The following RAD54L variants were observed in gnomAD, a reference collection of about 807,000 sequenced individuals.
The protein encoded by RAD54L is RAD54 like.
A neutral mutation model predicts 91.6 loss-of-function variants in RAD54L; 74 were observed. That is an observed-to-expected ratio of 0.81 (90% CI 0.67 to 0.98). The LOEUF (loss-of-function observed/expected upper bound fraction) is 0.98. Ranked by LOEUF, RAD54L falls within the 50% of genes least tolerant of loss-of-function variation. The pLI, the probability that RAD54L is intolerant of heterozygous loss-of-function variation, is 0.00. For synonymous variants in RAD54L, 304 were observed against 349.7 expected (o/e 0.87, Z 1.46); for missense variants, 887 against 945.7 (o/e 0.94, Z 0.81).
chr1:46,272,085 C>G (rs1433625915), intron 10 of RAD54L, among the ~76,000 whole-genome samples: 2 of 109,700 alleles, frequency 1.8e-5, no homozygotes, highest in Non-Finnish European at 3.5e-5. Flanking sequence ...TCTTGTTGCC[C>G]AAGCTGGAAT....
At chr1:46,276,546 A>T (rs1202005318) in intron 16 of RAD54L, among the ~76,000 whole-genome samples, 1 of 152,134 alleles carries the variant, frequency 6.6e-6, no homozygotes, top group Non-Finnish European at 1.5e-5. Flanking sequence ...CTTTTCTCCT[A>T]ATAACCAGAT....
In RAD54L at chr1:46,253,601, G is replaced by A. The variant is rs192192541; in HGVS notation, c.210+3482G>A. Reference sequence around the variant, plus strand: ...CTGCGCTCCAGCCTGGTGACAGAGCGAGACTCTGTCTAAAAAAAAAAAAGA... The same window carrying A: ...CTGCGCTCCAGCCTGGTGACAGAGCAAGACTCTGTCTAAAAAAAAAAAAGA... On this transcript the variant is annotated intron_variant, in intron 3 of 17. Coordinates refer to ENST00000371975, the MANE Select transcript of RAD54L (RefSeq NM_003579.4). Among the ~76,000 whole-genome samples, 85 of 150,500 alleles carry A rather than the reference G, an allele frequency of 5.6e-4. 1 individual carries two copies. The East Asian group carries it at 0.014, about 25-fold the overall frequency.
chr1:46,249,452 A>G (rs1659740413), intron 2 of RAD54L, among the ~76,000 whole-genome samples: 1 of 152,076 alleles, frequency 6.6e-6, no homozygotes, highest in Non-Finnish European at 1.5e-5. Context: ...ACATTGGCTG[A>G]CCCTTGCCAT....
chr1:46,260,229 G>A (rs1456415250), intron 5 of RAD54L, 130 bp downstream of exon 5: 2 of 1,407,340 alleles, frequency 1.4e-6, no homozygotes, highest in Non-Finnish European at 2.0e-6. Flanking sequence ...AGATGATTGG[G>A]GAAGGAGACT....
chr1:46,278,118 C>G lies in RAD54L; in HGVS notation c.2080C>G (p.Pro694Ala), dbSNP rs140793609. 31 of 1,613,984 alleles carry G rather than the reference C, an allele frequency of 1.9e-5. No individual in the cohort carries two copies. The highest frequency in any genetic ancestry group is 2.6e-5 in the Non-Finnish European group (31 of 1,179,948). ...CAACAGCCGTCAGATCCGGCCACCC[C>G]CTGATGGTTCTGACTGCACTTCAGA... is the stretch of plus-strand genomic sequence containing the variant. ...CVNSRQIRPP[P>A]DGSDCTSDLA... Residue 694 changes from proline to alanine, a missense_variant, in exon 18 of 18, where the codon CCT (proline) becomes GCT (alanine). By Grantham distance (27) the Pro-to-Ala change is conservative. Coordinates refer to ENST00000371975, the MANE Select transcript of RAD54L (RefSeq NM_003579.4).
chr1:46,260,044 T>C lies in RAD54L; in HGVS notation c.352T>C (p.Leu118=), dbSNP rs754788738. Residue 118 remains leucine, a synonymous_variant, in exon 5 of 18, where the codon TTG becomes CTG. Transcript: ENST00000371975. ...ALHDPLEKDA[L]VLYEPPPLSA... is the part of the protein sequence containing the mutation. ...CCATGACCCCCTGGAAAAAGATGCC[T>C]TGGTTCTGTATGAGCCTCCCCCGCT... 21 of 1,613,982 alleles carry C rather than the reference T, an allele frequency of 1.3e-5. No homozygotes were observed. The African/African-American group carries it at 1.5e-4, about 11-fold the overall frequency.
intron 3 of RAD54L, among the ~76,000 whole-genome samples, chr1:46,256,585 A>G (rs888524843): frequency 1.3e-5 from 2 of 151,764 alleles, no homozygotes; most frequent in African/African-American, 4.8e-5. Context: ...GTGAGGTATG[A>G]TCACCACTAC....
chr1:46,260,143 A>T, intron 5 of RAD54L, 44 bp downstream of exon 5: 1 of 1,612,994 alleles, frequency 6.2e-7, no homozygotes, highest in African/African-American at 1.3e-5. Flanking sequence ...TTCTCTGTAT[A>T]TGCACGCATA....
chr1:46,254,385 C>G (rs1659884907), intron 3 of RAD54L, among the ~76,000 whole-genome samples: 1 of 151,622 alleles, frequency 6.6e-6, no homozygotes, highest in African/African-American at 2.4e-5. Flanking sequence ...AGGACTTCAG[C>G]CTTAGACATG....
chr1:46,261,217 T>TTTTTTTTTTTA, intron 7 of RAD54L, 44 bp from the exon 8 acceptor site: 2 of 1,607,112 alleles, frequency 1.2e-6, no homozygotes, highest in African/African-American at 2.7e-5. Flanking sequence ...TTTTTTTTTT[T>TTTTTTTTTTTA]CAAAAGATTC....
chr1:46,249,769 G>T (rs1205311095), intron 2 of RAD54L, among the ~76,000 whole-genome samples: 1 of 152,056 alleles, frequency 6.6e-6, no homozygotes, highest in African/African-American at 2.4e-5. Flanking sequence ...CTCTTCCATT[G>T]CCCCGCTCAG....
At chr1:46,273,886 T>G (rs1035392063) in intron 14 of RAD54L, 139 bp downstream of exon 14, 1 of 1,290,428 alleles carries the variant, frequency 7.7e-7, no homozygotes, top group Non-Finnish European at 1.1e-6. Context: ...ATTGCTATGA[T>G]GGCCTCAGCT....
chr1:46,256,067 T>C (rs1659931784), intron 3 of RAD54L, among the ~76,000 whole-genome samples: 1 of 152,034 alleles, frequency 6.6e-6, no homozygotes, highest in Admixed American at 6.6e-5. Context: ...TTTCCTCTCA[T>C]TTGACTTAAG....
chr1:46,261,461 G>A (rs1660127575), intron 8 of RAD54L, 76 bp downstream of exon 8: 2 of 1,564,002 alleles, frequency 1.3e-6, no homozygotes, highest in Admixed American at 1.7e-5. Flanking sequence ...CCTTCCAAGG[G>A]CTGTGCTAGT....
rs762075828 is a variant in RAD54L at position 46,261,310 on chromosome 1, C to G, written c.816C>G (p.Ile272Met). Residue 272 changes from isoleucine (I) to methionine (M), a missense_variant, in exon 8 of 18, where the codon ATC becomes ATG. By Grantham distance (10) the Ile-to-Met change is conservative. Coordinates refer to ENST00000371975, the MANE Select transcript of RAD54L (RefSeq NM_003579.4). ...RGARVSSPIL[I>M]ISYETFRLHV... Reference sequence around the variant, plus strand: ...CCAGGGTGTCTTCTCCCATCCTCATCATTTCCTATGAGACCTTCCGCCTTC... The same window carrying G: ...CCAGGGTGTCTTCTCCCATCCTCATGATTTCCTATGAGACCTTCCGCCTTC... 7 of 1,613,280 alleles carry G rather than the reference C, an allele frequency of 4.3e-6. No homozygotes were observed. In the Admixed American group the frequency reaches 1.0e-4, roughly 23 times the overall value.
At position 46,273,623 on chromosome 1, in the gene RAD54L, G is replaced by A; in HGVS notation, c.1487-1G>A. ...GGACTGCTGGTTGCTGCTCTTCCCAGGTAAGATGCTGGTCCTGGATTATAT... is the reference window on the plus strand; with the variant it reads ...GGACTGCTGGTTGCTGCTCTTCCCAAGTAAGATGCTGGTCCTGGATTATAT... On this transcript the variant is annotated splice_acceptor_variant, in intron 13 of 17. Transcript: ENST00000371975. LOFTEE classifies it high-confidence loss of function. 1 of 1,613,400 alleles carries A rather than the reference G, an allele frequency of 6.2e-7. No individual in the cohort carries two copies. Among genetic ancestry groups the A allele is most frequent in the South Asian group, 1.1e-5 (1 of 91,036 alleles).
chr1:46,269,132 C>T (rs546786799), intron 9 of RAD54L, among the ~76,000 whole-genome samples: 8 of 152,238 alleles, frequency 5.3e-5, no homozygotes, highest in Admixed American at 5.2e-4. Context: ...TTCTTTCCCC[C>T]ATTGCTTTGC....
chr1:46,261,728 G>A (rs1422358722), intron 8 of RAD54L, among the ~76,000 whole-genome samples: 1 of 152,218 alleles, frequency 6.6e-6, no homozygotes, highest in Admixed American at 6.5e-5. Context: ...TCTCAATTTA[G>A]AGATTTATTT....
intron 3 of RAD54L, among the ~76,000 whole-genome samples, chr1:46,256,318 G>A (rs1471017437): frequency 6.6e-6 from 1 of 152,032 alleles, no homozygotes; most frequent in Non-Finnish European, 1.5e-5. Flanking sequence ...GGCTTAAGCG[G>A]TCCTCCCACC....
Sources: allele counts gnomAD v4.1 joint callset (sites outside exome capture counted in the v4.1 genomes callset), GRCh38; gene constraint gnomAD v4.1.1; transcripts MANE v1.5; gene names NCBI Gene and HGNC (gene_info 2026-07-23, HGNC 2026-07-21).